Variants in CIMIP6 observed in about 807,000 individuals in gnomAD.
The protein encoded by CIMIP6 is ciliary microtubule inner protein 6, also known as uncharacterized protein C2orf73.
the CIMIP6 span, chr2:54,361,119 A>G: frequency 2.6e-5 from 4 of 152,252 alleles, no homozygotes; most frequent in African/African-American, 7.2e-5. Flanking sequence ...GTTCTCTTAT[A>G]TATTTAATTT....
At chr2:54,378,443 C>A in the CIMIP6 span, among the ~76,000 whole-genome samples, 802 of 152,196 alleles carry the variant, frequency 5.3e-3, 9 homozygotes, top group African/African-American at 0.018. Context: ...TTAAATTCTT[C>A]CCTAATTAAT....
At chr2:54,366,144 C>T in the CIMIP6 span, among the ~76,000 whole-genome samples, 4 of 152,226 alleles carry the variant, frequency 2.6e-5, no homozygotes, top group East Asian at 7.7e-4. Flanking sequence ...TCCCAGCTTC[C>T]CTTGTAGCTG....
the CIMIP6 span, chr2:54,381,838 C>A: frequency 6.5e-7 from 1 of 1,527,156 alleles, no homozygotes. Flanking sequence ...TTCTTGTCTT[C>A]CTTCCAGATG....
the CIMIP6 span, among the ~76,000 whole-genome samples, chr2:54,378,878 G>A: frequency 3.8e-4 from 58 of 152,216 alleles, no homozygotes; most frequent in East Asian, 6.2e-3. Context: ...TTGTGCTTTC[G>A]TGATGAAAGT....
chr2:54,372,658 A>G, the CIMIP6 span, among the ~76,000 whole-genome samples: 1 of 152,192 alleles, frequency 6.6e-6, no homozygotes, highest in Non-Finnish European at 1.5e-5. Flanking sequence ...ACTCTTCCCC[A>G]GGGTGCCAGG....
the CIMIP6 span, among the ~76,000 whole-genome samples, chr2:54,341,034 A>AG: frequency 6.6e-6 from 1 of 152,202 alleles, no homozygotes; most frequent in Non-Finnish European, 1.5e-5. Flanking sequence ...CGCTTATCCC[A>AG]GAGCCATTTT....
chr2:54,378,272 GT>G, the CIMIP6 span, among the ~76,000 whole-genome samples: 1 of 152,326 alleles, frequency 6.6e-6, no homozygotes, highest in East Asian at 1.9e-4. Context: ...ATTCCCCTGG[GT>G]TACCAACGCA....
At chr2:54,348,409 G>A in the CIMIP6 span, among the ~76,000 whole-genome samples, 8 of 151,940 alleles carry the variant, frequency 5.3e-5, no homozygotes, top group African/African-American at 1.9e-4. Context: ...TTCTTTTATT[G>A]GTATTTCTTT....
At chr2:54,368,778 C>A in the CIMIP6 span, among the ~76,000 whole-genome samples, 3 of 152,336 alleles carry the variant, frequency 2.0e-5, no homozygotes, top group Non-Finnish European at 4.4e-5. Flanking sequence ...ATTGGCATTA[C>A]TCCATGCCAT....
At chr2:54,347,887 G>C in the CIMIP6 span, among the ~76,000 whole-genome samples, 1 of 152,122 alleles carries the variant, frequency 6.6e-6, no homozygotes, top group Non-Finnish European at 1.5e-5. Context: ...TTCCCCCATA[G>C]CACTTAACTT....
the CIMIP6 span, among the ~76,000 whole-genome samples, chr2:54,376,516 T>C: frequency 6.6e-6 from 1 of 152,220 alleles, no homozygotes; most frequent in Non-Finnish European, 1.5e-5. Context: ...TGATTTTACA[T>C]TTGAGGCTAT....
At chr2:54,379,301 G>C in the CIMIP6 span, among the ~76,000 whole-genome samples, 1 of 152,274 alleles carries the variant, frequency 6.6e-6, no homozygotes, top group African/African-American at 2.4e-5. Context: ...GGCAAAAAAG[G>C]ACGTCTGGGA....
chr2:54,380,650 C>T, the CIMIP6 span, among the ~76,000 whole-genome samples: 13 of 152,198 alleles, frequency 8.5e-5, no homozygotes, highest in African/African-American at 3.1e-4. Flanking sequence ...ATACGCTCTC[C>T]CCTAACTGCA....
At chr2:54,330,886 A>T in the CIMIP6 span, 2 of 1,304,890 alleles carry the variant, frequency 1.5e-6, no homozygotes, top group Non-Finnish European at 2.2e-6. Context: ...CGCGAGTCAC[A>T]GTCGCCGCGC....
At chr2:54,356,119 TCCAC>T in the CIMIP6 span, among the ~76,000 whole-genome samples, 415 of 139,740 alleles carry the variant, frequency 3.0e-3, no homozygotes, top group Admixed American at 7.0e-3. Context: ...TAGTCAGGAA[TCCAC>T]CCTACCACCC....
At chr2:54,361,894 T>C in the CIMIP6 span, among the ~76,000 whole-genome samples, 2 of 152,148 alleles carry the variant, frequency 1.3e-5, no homozygotes, top group African/African-American at 4.8e-5. Flanking sequence ...AGTAGAAAGA[T>C]AGAATTGAAA....
chr2:54,357,743 A>ATTT, the CIMIP6 span, among the ~76,000 whole-genome samples: 1 of 144,316 alleles, frequency 6.9e-6, no homozygotes, highest in African/African-American at 2.6e-5. Context: ...CGCCCAGCTA[A>ATTT]TTTTTTTTTT....
the CIMIP6 span, chr2:54,381,708 T>C: frequency 8.1e-7 from 1 of 1,231,034 alleles, no homozygotes; most frequent in Non-Finnish European, 1.1e-6. Flanking sequence ...TTCACTCCTG[T>C]GCCATCTGCC....
the CIMIP6 span, among the ~76,000 whole-genome samples, chr2:54,371,885 G>A: frequency 2.6e-5 from 4 of 152,206 alleles, no homozygotes; most frequent in African/African-American, 7.2e-5. Context: ...CTTGCTGGCT[G>A]TGTGACCTTG....
Sources: allele counts gnomAD v4.1 joint callset (sites outside exome capture counted in the v4.1 genomes callset), GRCh38; gene constraint gnomAD v4.1.1; transcripts MANE v1.5; gene names NCBI Gene and HGNC (gene_info 2026-07-23, HGNC 2026-07-21).